CENPT: variants seen among roughly 807,000 people sequenced by gnomAD.
CENPT encodes the protein interphase centromere complex protein 22.
A neutral mutation model predicts 59.7 loss-of-function variants in CENPT; 42 were observed. The observed-to-expected ratio is 0.70, with a 90% CI of 0.55 to 0.91. The LOEUF is 0.91. CENPT is among the 40% of genes least tolerant of loss of function. The pLI is 0.00. For missense variants in CENPT, 716 were observed against 713.4 expected, an observed-to-expected ratio of 1.00 and a Z score of -0.04; for synonymous variants, 295 against 289.6, an observed-to-expected ratio of 1.02 and a Z score of -0.19.
chr16:67,842,515 C>G lies in CENPT; in HGVS notation c.-492+4886G>C. ...GTAGCCACTGGGCCGTCGAAGAGCG[C>G]AGGAGGCCGGTGGGCCGGGCCGGGC... On this transcript the variant is annotated intron_variant, in intron 1 of 15. Transcript: ENST00000562787. This position sits in a 1 kb window ranked among gnomAD's most constrained non-coding sequence, Gnocchi z 4.9. 6.8e-7 allele frequency: 1 copy of G among 1,464,462 alleles called. No individual in the cohort carries two copies. Among genetic ancestry groups the G allele is most frequent in the Non-Finnish European group, 9.0e-7 (1 of 1,108,408 alleles). The allele number at this position is 1,464,462 out of a possible 1,614,324, so 90.7% of individuals were successfully genotyped here.
At chr16:67,844,886 T>C (rs2057787105) in intron 1 of CENPT, among the ~76,000 whole-genome samples, 1 of 152,004 alleles carries the variant, frequency 6.6e-6, no homozygotes, top group Non-Finnish European at 1.5e-5. Context: ...CCTCCCAGGT[T>C]CAAGCAATTC....
intron 1 of CENPT, among the ~76,000 whole-genome samples, chr16:67,838,428 C>A (rs1299842857): frequency 1.3e-5 from 2 of 150,980 alleles, no homozygotes; most frequent in Non-Finnish European, 2.9e-5. Context: ...TCGAGACCAG[C>A]CCGGACAACG....
In CENPT at chr16:67,842,080, C is replaced by A. The variant is rs1383520606; in HGVS notation, c.-492+5321G>T. ...GCGCGCACCGCCCCGCTCCACGCCC[C>A]TATCAGGATTCGGGTCCTCGTGAGG... On this transcript the variant is annotated intron_variant, in intron 1 of 15. Transcript: ENST00000562787. This position sits in a 1 kb window ranked among gnomAD's most constrained non-coding sequence, Gnocchi z 4.9. The A allele has an allele frequency of 6.6e-6, 1 of 152,424 alleles. No individual in the cohort carries two copies. Among genetic ancestry groups the A allele is most frequent in the Admixed American group, 6.5e-5 (1 of 15,290 alleles). 9.4% of individuals were successfully genotyped at this position (152,424 alleles called of 1,614,324 possible).
At chr16:67,839,798 T>A (rs1268567759) in intron 1 of CENPT, among the ~76,000 whole-genome samples, 1 of 150,854 alleles carries the variant, frequency 6.6e-6, no homozygotes, top group Non-Finnish European at 1.5e-5. Flanking sequence ...CTCTTGAACC[T>A]GGGAGGTGGA....
At chr16:67,833,443 G>A (rs771715904) in intron 4 of CENPT, among the ~76,000 whole-genome samples, 2 of 152,248 alleles carry the variant, frequency 1.3e-5, no homozygotes, top group Non-Finnish European at 2.9e-5. Context: ...CGAGCCCCCA[G>A]AGACCCGGGA....
At chr16:67,832,599 T>C (rs1433044566) in intron 4 of CENPT, 54 bp from the exon 5 acceptor site, 13 of 1,486,808 alleles carry the variant, frequency 8.7e-6, no homozygotes, top group South Asian at 4.6e-5. Flanking sequence ...GGATAGAGAA[T>C]ATAGAGACAT....
Position 67,829,427 on chromosome 16 carries a change from C to T in CENPT, c.1276G>A (p.Ala426Thr), listed in dbSNP as rs1184592365. 3.2e-6 allele frequency: 5 copies of T among 1,587,094 alleles called. No homozygotes were observed. Among genetic ancestry groups the T allele is most frequent in the Admixed American group, 2.0e-5 (1 of 50,342 alleles). The change falls in exon 13 of 16, where the codon GCA becomes ACA. Residue 426 changes from alanine to threonine, a missense_variant. By Grantham distance (58) the Ala-to-Thr change is moderately conservative (BLOSUM62 0). Transcript: ENST00000562787. ...FLEPAPAPGA[A>T]VLSSEPAEPL... Reference sequence around the variant, plus strand: ...AATGGGGTTGTGGGATCTTACACTGCAGCACCAGGCGCTGGGGCTGGCTCA... The same window carrying T: ...AATGGGGTTGTGGGATCTTACACTGTAGCACCAGGCGCTGGGGCTGGCTCA...
chr16:67,839,215 C>G (rs1163725744), intron 1 of CENPT, among the ~76,000 whole-genome samples: 1 of 151,514 alleles, frequency 6.6e-6, no homozygotes, highest in Non-Finnish European at 1.5e-5. Flanking sequence ...GAGGAAAACC[C>G]CGCTCTACAA....
Position 67,828,575 on chromosome 16 carries a change from T to A in CENPT, c.1461A>T (p.Leu487=), listed in dbSNP as rs1197377881. 6.2e-7 allele frequency: 1 copy of A among 1,614,068 alleles called. No homozygotes were observed. The highest frequency in any genetic ancestry group is 8.5e-7 in the Non-Finnish European group (1 of 1,180,036). ...RKALEMVEKC[L]DKYFQHLCDD... ...CACAAAGATGCTGGAAATATTTATC[T>A]AGGCTGTCAAGAAGGTGGGGATAGA... Residue 487 remains leucine (L), a synonymous_variant, in exon 15 of 16, where the codon CTA becomes CTT. Transcript: ENST00000562787.
chr16:67,832,205 C>T (rs1324814958), intron 6 of CENPT, 23 bp downstream of exon 6: 8 of 1,613,454 alleles, frequency 5.0e-6, no homozygotes, highest in Non-Finnish European at 6.8e-6. Flanking sequence ...CTAACTCTGA[C>T]CGGCAGGCCA....
chr16:67,833,397 T>C (rs867982772), intron 4 of CENPT, among the ~76,000 whole-genome samples: 1 of 152,112 alleles, frequency 6.6e-6, no homozygotes, highest in Non-Finnish European at 1.5e-5. Flanking sequence ...GAGCAGAAGG[T>C]GAGATTCTGA....
chr16:67,831,606 T>C lies in CENPT; in HGVS notation c.530A>G (p.Gln177Arg). 9 of 1,614,018 alleles carry C rather than the reference T, an allele frequency of 5.6e-6. No homozygotes were observed. Among genetic ancestry groups the C allele is most frequent in the Non-Finnish European group, 7.6e-6 (9 of 1,179,992 alleles). ...DQGLSLSQEP[Q>R]GNADASSLTR... ...GAGGGAAGAGGCATCAGCATTCCCT[T>C]GAGGCTCTGTCAGCAACCGGCAAGA... Residue 177 changes from glutamine to arginine, a missense_variant, in exon 9 of 16, where the codon CAA becomes CGA. Transcript: ENST00000562787.
intron 12 of CENPT, 96 bp downstream of exon 12, chr16:67,829,669 C>T: frequency 7.8e-6 from 11 of 1,410,140 alleles, no homozygotes; most frequent in Non-Finnish European, 1.1e-5. Flanking sequence ...CCCCTACCAC[C>T]ACCAGTGCCC....
intron 4 of CENPT, 78 bp from the exon 5 acceptor site, chr16:67,832,623 G>C: frequency 1.5e-6 from 2 of 1,323,618 alleles, no homozygotes; most frequent in Non-Finnish European, 2.1e-6. Context: ...TTCATCAGGG[G>C]TCTTGGTCTG....
intron 1 of CENPT, among the ~76,000 whole-genome samples, chr16:67,844,479 T>A (rs939804888): frequency 6.6e-6 from 1 of 152,252 alleles, no homozygotes; most frequent in Non-Finnish European, 1.5e-5. Flanking sequence ...AAGGACCAAC[T>A]GGTAACTAAG....
In CENPT at chr16:67,828,159, CT is replaced by C. The variant is rs1009672316; in HGVS notation, c.*107del. The stretch of plus-strand genomic sequence containing the variant: ...GACATGCACCAAAATGCAGAATATT[CT>C]GTTTATGACACTTTATTGATGCTGG... On this transcript the variant is annotated 3_prime_UTR_variant, in exon 16 of 16. Transcript: ENST00000562787. 1 of 1,480,320 alleles carries C rather than the reference CT, an allele frequency of 6.8e-7. No homozygotes were observed. The highest frequency in any genetic ancestry group is 1.4e-5 in the African/African-American group (1 of 69,118). 91.7% of individuals were successfully genotyped at this position (1,480,320 alleles called of 1,614,324 possible).
At position 67,843,066 on chromosome 16, in the gene CENPT, G is replaced by C; in HGVS notation, c.-492+4335C>G. 1 of 1,611,820 alleles carries C rather than the reference G, an allele frequency of 6.2e-7. No individual in the cohort carries two copies. The highest frequency in any genetic ancestry group is 1.1e-5 in the South Asian group (1 of 91,092). On this transcript the variant is annotated intron_variant, in intron 1 of 15. Transcript: ENST00000562787. This position sits in a 1 kb window ranked among gnomAD's most constrained non-coding sequence, Gnocchi z 5.7. ...ACTGTAGACAGCAGTCAGGCTCCGGGATCCGTACAGCCGGCGCCCATCACT... is the reference window on the plus strand; with the variant it reads ...ACTGTAGACAGCAGTCAGGCTCCGGCATCCGTACAGCCGGCGCCCATCACT...
In CENPT at chr16:67,842,443, C is replaced by CGGTA. The variant is rs1261920180; in HGVS notation, c.-492+4957_-492+4958insTACC. The CGGTA allele has an allele frequency of 1.0e-5, 8 of 797,378 alleles. No homozygotes were observed. In the African/African-American group the frequency reaches 1.3e-4, roughly 13 times the overall value. The allele number at this position is 797,378 out of a possible 1,614,324, so 49.4% of individuals were successfully genotyped here. On this transcript the variant is annotated intron_variant, in intron 1 of 15. Coordinates refer to ENST00000562787, the MANE Select transcript of CENPT (RefSeq NM_025082.4). This position sits in a 1 kb window ranked among gnomAD's most constrained non-coding sequence, Gnocchi z 4.9. ...GCGCCGAGCGGCAGTGGTGGGATAC[C>CGGTA]ACCCAAGGCCTCGCGCGGCGCCGCC...
intron 12 of CENPT, 102 bp from the exon 13 acceptor site, chr16:67,829,618 C>A: frequency 6.0e-6 from 8 of 1,340,252 alleles, no homozygotes; most frequent in Non-Finnish European, 8.3e-6. Context: ...TGGGCCCCAC[C>A]TAGCTCCAGC....
Sources: gnomAD v4.1 joint callset for allele counts (sites outside exome capture counted in the v4.1 genomes callset) on GRCh38, gnomAD v4.1.1 for gene constraint, Gnocchi (gnomAD v3.1) non-coding constraint, MANE v1.5 for transcripts, NCBI Gene and HGNC (gene_info 2026-07-23, HGNC 2026-07-21) for gene names.